Variants in CTNNA3 observed in about 807,000 individuals in gnomAD.
CTNNA3 encodes the protein catenin alpha-3.
CTNNA3 carries 76 observed loss-of-function variants against 95.7 expected under a neutral mutation model. That is an observed-to-expected ratio of 0.79 (90% CI 0.66 to 0.96). The LOEUF is 0.96. Among genes scored for constraint, CTNNA3 ranks in the 40% least tolerant of loss-of-function variants. The pLI, the probability that CTNNA3 is intolerant of heterozygous loss-of-function variation, is 0.00. For synonymous variants in CTNNA3, 431 were observed against 374.4 expected (o/e 1.15, Z -1.74); for missense variants, 1,191 against 1,089.8 (o/e 1.09, Z -1.31).
At chr10:67,507,671 C>A (rs1449681648) in intron 5 of CTNNA3, among the ~76,000 whole-genome samples, 1 of 152,080 alleles carries the variant, frequency 6.6e-6, no homozygotes, top group Non-Finnish European at 1.5e-5. Context: ...AATACCAATT[C>A]TCAAACTCCT....
chr10:66,868,353 A>G (rs2132432282), intron 7 of CTNNA3, among the ~76,000 whole-genome samples: 2 of 150,940 alleles, frequency 1.3e-5, no homozygotes, highest in South Asian at 4.2e-4. Context: ...CAACAAGAGC[A>G]AAACTCTGTC....
At chr10:66,466,134 A>G (rs1026650564) in intron 11 of CTNNA3, among the ~76,000 whole-genome samples, 1 of 151,984 alleles carries the variant, frequency 6.6e-6, no homozygotes, top group African/African-American at 2.4e-5. Context: ...AATGACTGAC[A>G]TCCCCAAGGA....
intron 16 of CTNNA3, among the ~76,000 whole-genome samples, chr10:65,971,133 A>G (rs2078091769): frequency 6.6e-6 from 1 of 151,998 alleles, no homozygotes. Context: ...TAGACACAAC[A>G]TATAAAAATC....
intron 11 of CTNNA3, among the ~76,000 whole-genome samples, chr10:66,389,251 A>G (rs2132523740): frequency 6.6e-6 from 1 of 152,274 alleles, no homozygotes; most frequent in Admixed American, 6.5e-5. Context: ...AACTCAACAA[A>G]TGCATCATTT....
chr10:67,044,959 G>A (rs184839663), intron 7 of CTNNA3, among the ~76,000 whole-genome samples: 54 of 152,220 alleles, frequency 3.5e-4, no homozygotes, highest in East Asian at 2.3e-3. Context: ...AATAAGATTT[G>A]ATATTTAAAA....
At chr10:66,824,205 A>C (rs1427457558) in intron 7 of CTNNA3, among the ~76,000 whole-genome samples, 1 of 152,168 alleles carries the variant, frequency 6.6e-6, no homozygotes, top group Non-Finnish European at 1.5e-5. Context: ...AGAAAATGGC[A>C]CAGTGGCCTG....
chr10:66,956,678 C>T (rs1848808227), intron 7 of CTNNA3, among the ~76,000 whole-genome samples: 1 of 152,132 alleles, frequency 6.6e-6, no homozygotes, highest in Admixed American at 6.6e-5. Flanking sequence ...GCTCTGTTTT[C>T]CTGCAGAGTA....
intron 5 of CTNNA3, among the ~76,000 whole-genome samples, chr10:67,311,972 C>T (rs927690078): frequency 3.3e-5 from 5 of 151,994 alleles, no homozygotes; most frequent in Admixed American, 6.6e-5. Context: ...CACACACACA[C>T]GCACACGTAC....
At position 66,466,563 on chromosome 10, in the gene CTNNA3, G is replaced by C. The variant is rs530573817; in HGVS notation, c.1531+54054C>G. Among the ~76,000 whole-genome samples, 4 of 152,034 alleles carry C rather than the reference G, an allele frequency of 2.6e-5. No homozygotes were observed. In the East Asian group the frequency reaches 7.8e-4, roughly 30 times the overall value. ...CTCACTCATTGTGTCCAGCAACACT[G>C]ACCTTCTGGGTCAGTTTCTATGTTG... On this transcript the variant is annotated intron_variant, in intron 11 of 17. Coordinates refer to ENST00000433211, the MANE Select transcript of CTNNA3 (RefSeq NM_013266.4).
intron 1 of CTNNA3, among the ~76,000 whole-genome samples, chr10:67,731,999 C>A (rs1436296837): frequency 6.6e-6 from 1 of 150,860 alleles, no homozygotes. Context: ...CCAGGCTGGT[C>A]TCGAACACCT....
chr10:66,728,625 C>T (rs745359303), intron 9 of CTNNA3, among the ~76,000 whole-genome samples: 3 of 151,870 alleles, frequency 2.0e-5, no homozygotes, highest in Non-Finnish European at 2.9e-5. Flanking sequence ...AGTCTCACTC[C>T]GTCACCCAGG....
chr10:66,378,881 G>A (rs1303763807), intron 12 of CTNNA3, among the ~76,000 whole-genome samples: 1 of 152,236 alleles, frequency 6.6e-6, no homozygotes, highest in Non-Finnish European at 1.5e-5. Context: ...AATAGATAAG[G>A]CATTAATGAA....
intron 9 of CTNNA3, among the ~76,000 whole-genome samples, chr10:66,626,930 C>CACAACA (rs3053862): frequency 5.3e-5 from 8 of 150,654 alleles, no homozygotes; most frequent in African/African-American, 1.2e-4. Context: ...CATACACACA[C>CACAACA]ACAACAACAA....
At chr10:66,239,258 A>C (rs2089998314) in intron 13 of CTNNA3, among the ~76,000 whole-genome samples, 1 of 151,630 alleles carries the variant, frequency 6.6e-6, no homozygotes, top group Non-Finnish European at 1.5e-5. Flanking sequence ...CTAAAATATA[A>C]TTAATTAATT....
chr10:66,893,879 G>A (rs1214203978), intron 7 of CTNNA3, among the ~76,000 whole-genome samples: 2 of 152,108 alleles, frequency 1.3e-5, no homozygotes, highest in African/African-American at 2.4e-5. Flanking sequence ...AAGTTTACAA[G>A]TTCTTTGCAA....
intron 17 of CTNNA3, among the ~76,000 whole-genome samples, chr10:65,959,245 C>T (rs2077792765): frequency 6.6e-6 from 1 of 152,166 alleles, no homozygotes; most frequent in South Asian, 2.1e-4. Context: ...ATTGGAAAAG[C>T]ACAGTATTAG....
intron 12 of CTNNA3, among the ~76,000 whole-genome samples, chr10:66,291,020 G>A (rs1012749995): frequency 6.6e-6 from 1 of 152,122 alleles, no homozygotes; most frequent in Admixed American, 6.6e-5. Flanking sequence ...CTATATGACA[G>A]TGTCCATCAT....
intron 7 of CTNNA3, among the ~76,000 whole-genome samples, chr10:66,963,367 G>A (rs1453931462): frequency 1.3e-5 from 2 of 152,120 alleles, no homozygotes; most frequent in Non-Finnish European, 2.9e-5. Context: ...TTGTAGTATG[G>A]AAAATGTGAT....
chr10:66,192,061 C>G (rs1422320145), intron 13 of CTNNA3, among the ~76,000 whole-genome samples: 1 of 152,146 alleles, frequency 6.6e-6, no homozygotes, highest in African/African-American at 2.4e-5. Flanking sequence ...ATTAGATTTT[C>G]CAGCCTCCAG....
Sources: allele counts gnomAD v4.1 joint callset (sites outside exome capture counted in the v4.1 genomes callset), GRCh38; gene constraint gnomAD v4.1.1; transcripts MANE v1.5; gene names NCBI Gene and HGNC (gene_info 2026-07-23, HGNC 2026-07-21).